The following RFTN1 variants were observed in gnomAD, a reference collection of about 807,000 sequenced individuals.
The protein encoded by RFTN1 is raftlin, lipid raft linker 1, also known as raftlin.
In RFTN1, 26 loss-of-function variants were observed where a neutral mutation model predicts 46.5. The ratio of observed to expected loss-of-function variants is 0.56; its 90% CI spans 0.41 to 0.78. The LOEUF is 0.78. Among genes scored for constraint, RFTN1 ranks in the 30% least tolerant of loss-of-function variants. The pLI, the probability that RFTN1 is intolerant of heterozygous loss-of-function variation, is 0.00. For synonymous variants in RFTN1, 261 were observed against 284.2 expected, an observed-to-expected ratio of 0.92 and a Z score of 0.82; for missense variants, 693 against 718.7, an observed-to-expected ratio of 0.96 and a Z score of 0.41.
At chr3:16,508,178 G>T (rs974803861) in intron 1 of RFTN1, among the ~76,000 whole-genome samples, 3 of 152,212 alleles carry the variant, frequency 2.0e-5, no homozygotes, top group African/African-American at 4.8e-5. Flanking sequence ...TGGTTCTGAA[G>T]TACTGTACAC....
Position 16,418,974 on chromosome 3 carries a change from AATT to A in RFTN1, c.333-9494_333-9492del, listed in dbSNP as rs1322226537. 6.6e-6 allele frequency among the ~76,000 whole-genome samples: 1 copy of A among 152,190 alleles called. No homozygotes were observed. The highest frequency in any genetic ancestry group is 1.5e-5 in the Non-Finnish European group (1 of 68,032). On this transcript the variant is annotated intron_variant, in intron 3 of 9. Coordinates refer to ENST00000334133, the MANE Select transcript of RFTN1 (RefSeq NM_015150.2). The surrounding 1 kb of genome is among the most constrained non-coding windows in gnomAD (Gnocchi z 5.0). ...TTTCCAGTGTCAAGGATCAGGGGAAAATTTAAGGAGCAAGGCGTGTGTGGGCTG... is the reference window on the plus strand; with the variant it reads ...TTTCCAGTGTCAAGGATCAGGGGAAATAAGGAGCAAGGCGTGTGTGGGCTG...
Position 16,376,158 on chromosome 3 carries a change from G to A in RFTN1, c.826+1560C>T, listed in dbSNP as rs368987638. Among the ~76,000 whole-genome samples, 2 of 152,082 alleles carry A rather than the reference G, an allele frequency of 1.3e-5. No individual in the cohort carries two copies. Among genetic ancestry groups the A allele is most frequent in the East Asian group, 1.9e-4 (1 of 5,188 alleles). Reference sequence around the variant, plus strand: ...CAGGATTCCATGAGAGGTGGAGGTCGAGTGTCAGGACTACTGAGCCTGTAC... The same window carrying A: ...CAGGATTCCATGAGAGGTGGAGGTCAAGTGTCAGGACTACTGAGCCTGTAC... On this transcript the variant is annotated intron_variant, in intron 5 of 9. Coordinates refer to ENST00000334133, the MANE Select transcript of RFTN1 (RefSeq NM_015150.2). The surrounding 1 kb of genome is among the most constrained non-coding windows in gnomAD (Gnocchi z 4.7).
rs1401028523 is a variant in RFTN1, at chr3:16,506,132, T to C, written c.-9+7310A>G. On this transcript the variant is annotated intron_variant, in intron 1 of 9. Coordinates refer to ENST00000334133, the MANE Select transcript of RFTN1 (RefSeq NM_015150.2). This position sits in a 1 kb window ranked among gnomAD's most constrained non-coding sequence, Gnocchi z 4.8. The stretch of plus-strand genomic sequence containing the variant: ...ATAGCAATCACAGGAGGAGGTATAG[T>C]GTTTTAAATACGGGGATTGGGAAAG... Among the ~76,000 whole-genome samples the C allele has an allele frequency of 6.6e-6, 1 of 152,036 alleles. No individual in the cohort carries two copies. Among genetic ancestry groups the C allele is most frequent in the Non-Finnish European group, 1.5e-5 (1 of 68,016 alleles).
In RFTN1 at chr3:16,507,750, C is replaced by T. The variant is rs2076832699; in HGVS notation, c.-9+5692G>A. ...ACAAACACATACACACATACATGCA[C>T]ACTCACATACACACAAACACACACA... On this transcript the variant is annotated intron_variant, in intron 1 of 9. Coordinates refer to ENST00000334133, the MANE Select transcript of RFTN1 (RefSeq NM_015150.2). The surrounding 1 kb of genome is among the most constrained non-coding windows in gnomAD (Gnocchi z 7.1). Among the ~76,000 whole-genome samples, 1 of 151,248 alleles carries T rather than the reference C, an allele frequency of 6.6e-6. No homozygotes were observed. Among genetic ancestry groups the T allele is most frequent in the Admixed American group, 6.6e-5 (1 of 15,176 alleles).
chr3:16,414,496 A>G (rs1235784000), intron 3 of RFTN1, among the ~76,000 whole-genome samples: 1 of 151,724 alleles, frequency 6.6e-6, no homozygotes, highest in African/African-American at 2.4e-5. Flanking sequence ...AATTCCAGCT[A>G]CTTGGGAGGC....
chr3:16,405,728 G>C (rs977203732), intron 4 of RFTN1, among the ~76,000 whole-genome samples: 1 of 152,142 alleles, frequency 6.6e-6, no homozygotes, highest in African/African-American at 2.4e-5. Flanking sequence ...CTGGGGCATT[G>C]TTCTTATGAA....
rs535968965 is a variant in RFTN1 at position 16,431,068 on chromosome 3, A to G, written c.332+2783T>C. ...TTAGAGTTTGGTGCAAGCCTTGCAA[A>G]TCATGTAGTAACAGCCCCTCATTGT... On this transcript the variant is annotated intron_variant, in intron 3 of 9. Transcript: ENST00000334133. Among the ~76,000 whole-genome samples the G allele has an allele frequency of 8.5e-5, 13 of 152,298 alleles. No homozygotes were observed. In the South Asian group the frequency reaches 2.5e-3, roughly 29 times the overall value.
At chr3:16,472,633 G>T (rs376129602) in intron 2 of RFTN1, 1 of 152,144 alleles carries the variant, frequency 6.6e-6, no homozygotes, top group Non-Finnish European at 1.5e-5. Flanking sequence ...AGGAACAACC[G>T]GCCTGATTAA....
chr3:16,508,897 C>T (rs1344802821), intron 1 of RFTN1, among the ~76,000 whole-genome samples: 2 of 152,184 alleles, frequency 1.3e-5, no homozygotes, highest in Non-Finnish European at 2.9e-5. Context: ...AAACTACTAT[C>T]TGTGCTATCC....
chr3:16,373,147 C>A (rs866309562), intron 5 of RFTN1, among the ~76,000 whole-genome samples: 3 of 152,202 alleles, frequency 2.0e-5, no homozygotes, highest in Admixed American at 6.5e-5. Context: ...TCTGCCATGA[C>A]CCCAGCTGGA....
intron 3 of RFTN1, among the ~76,000 whole-genome samples, chr3:16,417,867 C>G (rs1204206520): frequency 6.6e-6 from 1 of 152,136 alleles, no homozygotes; most frequent in Non-Finnish European, 1.5e-5. Flanking sequence ...ACCACCACAC[C>G]CAGCTAATAT....
intron 3 of RFTN1, among the ~76,000 whole-genome samples, chr3:16,431,970 G>A (rs551472002): frequency 7.9e-5 from 12 of 152,246 alleles, no homozygotes; most frequent in African/African-American, 2.4e-4. Context: ...GCTGCCATCC[G>A]TGTGACCTTG....
Position 16,425,076 on chromosome 3 carries a change from T to C in RFTN1, c.332+8775A>G, listed in dbSNP as rs1380771609. Among the ~76,000 whole-genome samples the C allele has an allele frequency of 1.3e-5, 2 of 152,222 alleles. No homozygotes were observed. The highest frequency in any genetic ancestry group is 2.1e-4 in the South Asian group (1 of 4,820). ...AAGTAAGACAATCTGAGTTCCTATA[T>C]TTAATATGAGACAGACATATAAATA... On this transcript the variant is annotated intron_variant, in intron 3 of 9. Transcript: ENST00000334133. This position sits in a 1 kb window ranked among gnomAD's most constrained non-coding sequence, Gnocchi z 4.3.
chr3:16,386,616 T>C (rs1259971757), intron 4 of RFTN1, among the ~76,000 whole-genome samples: 1 of 152,178 alleles, frequency 6.6e-6, no homozygotes, highest in East Asian at 1.9e-4. Flanking sequence ...AGGGCTAGAT[T>C]GCAGAGTCTT....
chr3:16,497,780 T>C (rs1161274964), intron 1 of RFTN1, among the ~76,000 whole-genome samples: 1 of 152,222 alleles, frequency 6.6e-6, no homozygotes, highest in Admixed American at 6.5e-5. Flanking sequence ...AATATCTCCA[T>C]GGGAAGGACA....
chr3:16,453,983 C>T (rs1343779210), intron 2 of RFTN1, among the ~76,000 whole-genome samples: 1 of 152,144 alleles, frequency 6.6e-6, no homozygotes, highest in Non-Finnish European at 1.5e-5. Context: ...TTCCTTCCCA[C>T]AGTGCAGAAA....
At position 16,374,910 on chromosome 3, in the gene RFTN1, A is replaced by G. The variant is rs539196730; in HGVS notation, c.826+2808T>C. On this transcript the variant is annotated intron_variant, in intron 5 of 9. Coordinates refer to ENST00000334133, the MANE Select transcript of RFTN1 (RefSeq NM_015150.2). This position sits in a 1 kb window ranked among gnomAD's most constrained non-coding sequence, Gnocchi z 5.4. Reference sequence around the variant, plus strand: ...CGTGACGGCTGCACCGAGCCCGCAGAGATGGGGAGGGACGACCTGCCCCTG... The same window carrying G: ...CGTGACGGCTGCACCGAGCCCGCAGGGATGGGGAGGGACGACCTGCCCCTG... Among the ~76,000 whole-genome samples, 448 of 152,288 alleles carry G rather than the reference A, an allele frequency of 2.9e-3. 2 individuals carry two copies. Among genetic ancestry groups the G allele is most frequent in the Non-Finnish European group, 3.6e-3 (247 of 67,988 alleles).
intron 1 of RFTN1, among the ~76,000 whole-genome samples, chr3:16,503,523 C>T (rs1286623334): frequency 2.6e-5 from 4 of 152,164 alleles, no homozygotes; most frequent in Admixed American, 1.3e-4. Context: ...CAGGGTTGAG[C>T]ATCAGTGCTC....
At position 16,424,874 on chromosome 3, in the gene RFTN1, T is replaced by C. The variant is rs139171506; in HGVS notation, c.332+8977A>G. ...TCATATCTAAAAGTGTAAAACTCAA[T>C]GACTAGTCTCATCCAGGACCCATCA... On this transcript the variant is annotated intron_variant, in intron 3 of 9. Coordinates refer to ENST00000334133, the MANE Select transcript of RFTN1 (RefSeq NM_015150.2). This position sits in a 1 kb window ranked among gnomAD's most constrained non-coding sequence, Gnocchi z 4.7. Among the ~76,000 whole-genome samples the C allele has an allele frequency of 6.6e-6, 1 of 152,306 alleles. No individual in the cohort carries two copies. The highest frequency in any genetic ancestry group is 1.5e-5 in the Non-Finnish European group (1 of 68,030).
Sources: allele counts gnomAD v4.1 joint callset (sites outside exome capture counted in the v4.1 genomes callset), GRCh38; gene constraint gnomAD v4.1.1; non-coding constraint Gnocchi (gnomAD v3.1); transcripts MANE v1.5; gene names NCBI Gene and HGNC (gene_info 2026-07-23, HGNC 2026-07-21).